The following FIG4 variants were observed in gnomAD, a reference collection of about 807,000 sequenced individuals.
FIG4 encodes the protein FIG4 phosphoinositide 5-phosphatase.
In FIG4, 112 loss-of-function variants were observed where a neutral mutation model predicts 118.6. The observed-to-expected ratio is 0.94, with a 90% CI of 0.81 to 1.11. FIG4 has a LOEUF of 1.11. Among genes scored for constraint, FIG4 ranks in the 50% least tolerant of loss-of-function variants. The pLI is 0.00. For missense variants in FIG4, 969 were observed against 1,111.7 expected (o/e 0.87, Z 1.83); for synonymous variants, 369 against 381.2 (o/e 0.97, Z 0.37).
chr6:109,700,524 G>A (rs576869523), intron 1 of FIG4, among the ~76,000 whole-genome samples: 3 of 152,316 alleles, frequency 2.0e-5, no homozygotes, highest in East Asian at 3.9e-4. Context: ...TGCCAAAGCC[G>A]TTGCTGGGAA....
chr6:109,767,247 G>A (rs562407194), intron 15 of FIG4, among the ~76,000 whole-genome samples: 55 of 152,112 alleles, frequency 3.6e-4, no homozygotes, highest in African/African-American at 1.3e-3. Flanking sequence ...TCAAAGTCTC[G>A]ACAATTGTCT....
At chr6:109,786,850 A>G (rs1777974600) in intron 18 of FIG4, among the ~76,000 whole-genome samples, 1 of 152,002 alleles carries the variant, frequency 6.6e-6, no homozygotes, top group Admixed American at 6.6e-5. Flanking sequence ...AAATTATCCA[A>G]CTTACCTGAG....
Position 109,780,593 on chromosome 6 carries a change from A to C in FIG4, c.1889+3533A>C, listed in dbSNP as rs75626228. Among the ~76,000 whole-genome samples the C allele has an allele frequency of 8.9e-3, 1,349 of 152,278 alleles. 18 individuals are homozygous for C. The highest frequency in any genetic ancestry group is 0.031 in the African/African-American group (1,299 of 41,548). On this transcript the variant is annotated intron_variant, in intron 16 of 22. Transcript: ENST00000230124. Reference sequence around the variant, plus strand: ...ATACGGGATGCCCATAAAGTCTGGAAACTTAGATAATGTGACTTATTAATG... The same window carrying C: ...ATACGGGATGCCCATAAAGTCTGGACACTTAGATAATGTGACTTATTAATG...
At chr6:109,763,349 T>C (rs993644410) in intron 12 of FIG4, among the ~76,000 whole-genome samples, 14 of 152,356 alleles carry the variant, frequency 9.2e-5, no homozygotes, top group African/African-American at 3.4e-4. Flanking sequence ...AGGTTAACTC[T>C]TTTCTGCACA....
At chr6:109,787,196 A>G (rs1417402104) in intron 18 of FIG4, among the ~76,000 whole-genome samples, 2 of 152,132 alleles carry the variant, frequency 1.3e-5, no homozygotes, top group African/African-American at 4.8e-5. Flanking sequence ...GGGACCCTTT[A>G]GGAAAAACGC....
intron 22 of FIG4, among the ~76,000 whole-genome samples, chr6:109,816,109 G>A (rs4546525): frequency 0.54 from 82,042 of 151,934 alleles, 23,135 homozygotes; most frequent in East Asian, 0.72. Flanking sequence ...GCTTTGTACA[G>A]TTCTCCATTT....
intron 15 of FIG4, among the ~76,000 whole-genome samples, chr6:109,771,499 C>T (rs113606103): frequency 0.27 from 33,635 of 124,710 alleles, 5,381 homozygotes; most frequent in Non-Finnish European, 0.37. Context: ...GACAGAGTCT[C>T]GCTCTGTGGC....
intron 4 of FIG4, among the ~76,000 whole-genome samples, chr6:109,732,215 A>G (rs754283345): frequency 2.0e-5 from 3 of 152,232 alleles, no homozygotes; most frequent in Non-Finnish European, 2.9e-5. Flanking sequence ...ATTTTATTCT[A>G]TACCTTTTTT....
rs1182310177 is a variant in FIG4, at chr6:109,820,806, T to C, written c.2547-4282T>C. 4.6e-5 allele frequency among the ~76,000 whole-genome samples: 7 copies of C among 152,170 alleles called. No homozygotes were observed. The South Asian group carries it at 1.2e-3, about 27-fold the overall frequency. Reference sequence around the variant, plus strand: ...CTACAGACAACACTTACCTCAAAACTGTGCGATACAGTATCCTCACTCACC... The same window carrying C: ...CTACAGACAACACTTACCTCAAAACCGTGCGATACAGTATCCTCACTCACC... On this transcript the variant is annotated intron_variant, in intron 22 of 22. Transcript: ENST00000230124.
chr6:109,766,788 C>T lies in FIG4; in HGVS notation c.1643C>T (p.Ser548Phe). The change falls in exon 15 of 23, where the codon TCT becomes TTT. Residue 548 changes from serine (S) to phenylalanine (F), a missense_variant. This residue lies in a region of FIG4 where 246 missense variants were observed against 354.3 expected (regional missense o/e 0.69). Coordinates refer to ENST00000230124, the MANE Select transcript of FIG4 (RefSeq NM_014845.6). ...ACCCTATCCCTTCAGTATGGTGGTT[C>T]TCAACTTGTTCATCGTGTGAAAACC... Reference protein sequence around the residue: ...GDTLSLQYGGSQLVHRVKTYR... With the variant: ...GDTLSLQYGGFQLVHRVKTYR... 1 of 1,613,754 alleles carries T rather than the reference C, an allele frequency of 6.2e-7. No individual in the cohort carries two copies. The highest frequency in any genetic ancestry group is 8.5e-7 in the Non-Finnish European group (1 of 1,179,716).
At chr6:109,822,789 A>G (rs1358824132) in intron 22 of FIG4, among the ~76,000 whole-genome samples, 58 of 5,742 alleles carry the variant, frequency 0.01, no homozygotes, top group South Asian at 0.054. Flanking sequence ...GTGTGTATGT[A>G]TATATATATA....
intron 18 of FIG4, 40 bp downstream of exon 18, chr6:109,786,489 C>T: frequency 6.2e-7 from 1 of 1,608,116 alleles, no homozygotes; most frequent in South Asian, 1.1e-5. Flanking sequence ...TATTTGAGAA[C>T]TGTAGTTTTC....
intron 22 of FIG4, among the ~76,000 whole-genome samples, chr6:109,797,184 G>C (rs1778312071): frequency 6.6e-6 from 1 of 152,160 alleles, no homozygotes; most frequent in South Asian, 2.1e-4. Flanking sequence ...CAAGACCTTT[G>C]AGGATATGGA....
In FIG4 at chr6:109,716,454, A is replaced by T. The variant is rs748869342; in HGVS notation, c.175A>T (p.Thr59Ser). The T allele has an allele frequency of 6.2e-7, 1 of 1,613,738 alleles. No individual in the cohort carries two copies. Among genetic ancestry groups the T allele is most frequent in the Non-Finnish European group, 8.5e-7 (1 of 1,179,686 alleles). ...LVIIDDRHVY[T>S]QQEVRELLGR... ...ATGTGCTTATTCTTAGCATGTCTAT[A>T]CTCAACAAGAAGTAAGGGAACTTCT... Residue 59 changes from threonine to serine, a missense_variant, in exon 3 of 23, where the codon ACT becomes TCT. By Grantham distance (58) the Thr-to-Ser change is moderately conservative. Coordinates refer to ENST00000230124, the MANE Select transcript of FIG4 (RefSeq NM_014845.6).
At chr6:109,704,698 A>G (rs896586345) in intron 1 of FIG4, among the ~76,000 whole-genome samples, 3 of 139,626 alleles carry the variant, frequency 2.1e-5, no homozygotes, top group Non-Finnish European at 4.7e-5. Flanking sequence ...AAAAAAAAAA[A>G]GTAGGCTCTT....
intron 22 of FIG4, among the ~76,000 whole-genome samples, chr6:109,819,009 G>A (rs1434403305): frequency 2.6e-5 from 4 of 152,198 alleles, no homozygotes; most frequent in Admixed American, 6.5e-5. Flanking sequence ...CCAGTTATCC[G>A]TGTATACTCT....
intron 1 of FIG4, among the ~76,000 whole-genome samples, chr6:109,708,702 C>T (rs1205950001): frequency 3.3e-5 from 5 of 152,144 alleles, no homozygotes; most frequent in Non-Finnish European, 5.9e-5. Flanking sequence ...TTTTGATTTG[C>T]ATTTCTCTAA....
chr6:109,743,475 G>C (rs913992289), intron 9 of FIG4, 200 bp from the exon 10 acceptor site: 1 of 657,262 alleles, frequency 1.5e-6, no homozygotes, highest in Non-Finnish European at 2.6e-6. Flanking sequence ...TTTTTATTTT[G>C]CTTCAGAAAT....
intron 16 of FIG4, among the ~76,000 whole-genome samples, chr6:109,782,547 T>A (rs940226028): frequency 3.3e-5 from 5 of 152,196 alleles, no homozygotes; most frequent in African/African-American, 9.7e-5. Context: ...TAAAACACAT[T>A]TTTTGTAATG....
Sources: allele counts gnomAD v4.1 joint callset (sites outside exome capture counted in the v4.1 genomes callset), GRCh38; gene constraint gnomAD v4.1.1; regional missense constraint gnomAD v4.1.1; transcripts MANE v1.5; gene names NCBI Gene and HGNC (gene_info 2026-07-23, HGNC 2026-07-21).